Variants in FAM178B observed in about 807,000 individuals in gnomAD.
The protein encoded by FAM178B is protein FAM178B.
Under a neutral mutation model 91.7 loss-of-function variants are expected in FAM178B, and 82 were observed. The ratio of observed to expected loss-of-function variants is 0.89; its 90% CI spans 0.75 to 1.07. FAM178B has a LOEUF of 1.07. FAM178B is among the 50% of genes least tolerant of loss of function. The pLI, the probability that FAM178B is intolerant of heterozygous loss-of-function variation, is 0.00. For missense variants in FAM178B, 769 were observed against 846.7 expected (o/e 0.91, Z 1.14); for synonymous variants, 368 against 359.4 (o/e 1.02, Z -0.27).
intron 6 of FAM178B, among the ~76,000 whole-genome samples, chr2:96,958,067 C>CTTT (rs66515058): frequency 2.0e-5 from 2 of 101,376 alleles, no homozygotes; most frequent in African/African-American, 3.2e-5. Flanking sequence ...TTTGAAGAAT[C>CTTT]TTTTTTTTTT....
At position 96,875,972 on chromosome 2, in the gene FAM178B, A is replaced by T. The variant is rs1015868263; in HGVS notation, c.*304T>A. 1 of 443,584 alleles carries T rather than the reference A, an allele frequency of 2.3e-6. No individual in the cohort carries two copies. Among genetic ancestry groups the T allele is most frequent in the East Asian group, 4.1e-5 (1 of 24,636 alleles). 27.5% of individuals were successfully genotyped at this position (443,584 alleles called of 1,614,324 possible). Reference sequence around the variant, plus strand: ...AGGAGGGTGGGGAGGACTGAGGCCCAGGGAAACCAGAGCTATGGAGACAGA... The same window carrying T: ...AGGAGGGTGGGGAGGACTGAGGCCCTGGGAAACCAGAGCTATGGAGACAGA... On this transcript the variant is annotated 3_prime_UTR_variant, in exon 17 of 17. Transcript: ENST00000490605.
chr2:96,986,361 C>T lies in FAM178B; in HGVS notation c.-48G>A, dbSNP rs1295371964. ...GGGGTGAGGGAGGGTGGCGGGAATT[C>T]GCACGGCCTCAGAGGACGGGGCCAG... On this transcript the variant is annotated 5_prime_UTR_variant, in exon 1 of 17. Transcript: ENST00000490605. 2 of 1,525,078 alleles carry T rather than the reference C, an allele frequency of 1.3e-6. No individual in the cohort carries two copies. Among genetic ancestry groups the T allele is most frequent in the Non-Finnish European group, 1.7e-6 (2 of 1,143,036 alleles). 94.5% of individuals were successfully genotyped at this position (1,525,078 alleles called of 1,614,324 possible).
At chr2:96,985,339 A>G (rs1425417310) in intron 1 of FAM178B, among the ~76,000 whole-genome samples, 1 of 152,044 alleles carries the variant, frequency 6.6e-6, no homozygotes, top group Non-Finnish European at 1.5e-5. Flanking sequence ...TGCTCACTCT[A>G]CAATGCAGCC....
At position 96,923,589 on chromosome 2, in the gene FAM178B, G is replaced by T; in HGVS notation, c.1194-6C>A. ...CAGCCTCGCCTGGAAGCACCCTGTG[G>T]TAAGACAACAACAGTGACGATGGGA... On this transcript the variant is annotated splice_region_variant and splice_polypyrimidine_tract_variant and intron_variant, in intron 9 of 16. Transcript: ENST00000490605. The T allele has an allele frequency of 6.4e-7, 1 of 1,550,966 alleles. No homozygotes were observed.
intron 6 of FAM178B, among the ~76,000 whole-genome samples, chr2:96,953,985 C>G (rs1426165266): frequency 2.6e-5 from 4 of 152,196 alleles, no homozygotes; most frequent in Non-Finnish European, 5.9e-5. Flanking sequence ...AGTGAAAGCT[C>G]AAACGCCTTG....
At chr2:96,946,077 T>C (rs894623927) in intron 8 of FAM178B, among the ~76,000 whole-genome samples, 12 of 152,208 alleles carry the variant, frequency 7.9e-5, no homozygotes, top group Non-Finnish European at 1.5e-4. Flanking sequence ...GTACCTCATA[T>C]ACATGGAATA....
chr2:96,969,209 G>A (rs567327695), intron 4 of FAM178B, among the ~76,000 whole-genome samples: 3 of 152,194 alleles, frequency 2.0e-5, no homozygotes, highest in African/African-American at 4.8e-5. Flanking sequence ...AGCGTCCTAT[G>A]GACTAAATGT....
rs376034495 is a variant in FAM178B, at chr2:96,894,035, C to A, written c.1667G>T (p.Arg556Leu). 3.1e-6 allele frequency: 5 copies of A among 1,610,848 alleles called. No individual in the cohort carries two copies. The highest frequency in any genetic ancestry group is 4.2e-6 in the Non-Finnish European group (5 of 1,179,052). ...QEKTQLSSLS[R>L]LLGLMRPSSL... Reference sequence around the variant, plus strand: ...TGATGGCCTCATGAGGCCCAGGAGCCGGCTGAGCGAGGACAGCTGGGGAGG... The same window carrying A: ...TGATGGCCTCATGAGGCCCAGGAGCAGGCTGAGCGAGGACAGCTGGGGAGG... Residue 556 changes from arginine to leucine, a missense_variant, in exon 14 of 17, where the codon CGG (arginine) becomes CTG (leucine). Coordinates refer to ENST00000490605, the MANE Select transcript of FAM178B (RefSeq NM_001122646.3).
chr2:96,965,466 A>AT lies in FAM178B; in HGVS notation c.734+2053dup, dbSNP rs371454952. Among the ~76,000 whole-genome samples, 124 of 136,598 alleles carry AT rather than the reference A, an allele frequency of 9.1e-4. 1 individual carries two copies. Among genetic ancestry groups the AT allele is most frequent in the Middle Eastern group, 7.9e-3 (2 of 252 alleles). 89.6% of individuals were successfully genotyped at this position (136,598 alleles called of 152,430 possible). On this transcript the variant is annotated intron_variant, in intron 5 of 16. Transcript: ENST00000490605. The stretch of plus-strand genomic sequence containing the variant: ...TAGCGCAGTCAATCAGTCTCCCCCC[A>AT]TTTTTTTTTTTTAAGAGATAAGGTC...
intron 5 of FAM178B, among the ~76,000 whole-genome samples, chr2:96,961,704 T>A (rs1478801289): frequency 6.6e-6 from 1 of 152,126 alleles, no homozygotes; most frequent in African/African-American, 2.4e-5. Context: ...GATCTGGACA[T>A]GAGCAACTGG....
intron 14 of FAM178B, among the ~76,000 whole-genome samples, chr2:96,884,061 G>C (rs1290796640): frequency 6.6e-6 from 1 of 152,194 alleles, no homozygotes; most frequent in South Asian, 2.1e-4. Context: ...TTTCAGACCC[G>C]AGGCTGGGGC....
At chr2:96,899,849 CTCTTTT>C (rs1349741564) in intron 13 of FAM178B, among the ~76,000 whole-genome samples, 2 of 136,274 alleles carry the variant, frequency 1.5e-5, no homozygotes, top group South Asian at 2.5e-4. Flanking sequence ...CCATTCCCCA[CTCTTTT>C]TTTTTTTTTT....
rs1037132055 is a variant in FAM178B at position 96,972,144 on chromosome 2, G to A, written c.321C>T (p.Pro107=). 5 of 1,538,974 alleles carry A rather than the reference G, an allele frequency of 3.2e-6. No individual in the cohort carries two copies. Among genetic ancestry groups the A allele is most frequent in the East Asian group, 2.4e-5 (1 of 40,866 alleles). ...CCACGGGCGGGGGGCTCCAGTCAGTGGGAAACGTTTCCCCAGGTGCCTGTA... is the reference window on the plus strand; with the variant it reads ...CCACGGGCGGGGGGCTCCAGTCAGTAGGAAACGTTTCCCCAGGTGCCTGTA... ...PKIQAPGETF[P]TDWSPPPVEF... is the part of the protein sequence containing the mutation. Residue 107 remains proline, a synonymous_variant, in exon 3 of 17, where the codon CCC becomes CCT. Transcript: ENST00000490605.
intron 8 of FAM178B, among the ~76,000 whole-genome samples, chr2:96,936,612 C>T (rs1453599042): frequency 2.6e-5 from 4 of 151,416 alleles, no homozygotes; most frequent in Non-Finnish European, 1.5e-5. Flanking sequence ...TGGGTTCAAG[C>T]GATTCTCCTG....
At chr2:96,912,753 G>C (rs148660716) in intron 12 of FAM178B, among the ~76,000 whole-genome samples, 1 of 152,180 alleles carries the variant, frequency 6.6e-6, no homozygotes, top group Admixed American at 6.5e-5. Flanking sequence ...CCCAGGCTCC[G>C]GATGCGACCT....
chr2:96,883,909 A>G (rs2080451896), intron 14 of FAM178B, among the ~76,000 whole-genome samples: 2 of 152,110 alleles, frequency 1.3e-5, no homozygotes, highest in South Asian at 4.1e-4. Flanking sequence ...AGCCCAGCCC[A>G]GGAGAAGCAT....
intron 13 of FAM178B, chr2:96,898,157 G>A (rs2080858510): frequency 1.0e-6 from 1 of 975,350 alleles, no homozygotes; most frequent in East Asian, 1.1e-4. Context: ...TGAATCGATT[G>A]ATAGGATTTC....
chr2:96,923,439 T>C, intron 10 of FAM178B, 51 bp downstream of exon 10: 1 of 1,385,648 alleles, frequency 7.2e-7, no homozygotes, highest in South Asian at 1.2e-5. Context: ...GCTGAATGGG[T>C]CTGAACTGTA....
intron 7 of FAM178B, chr2:96,950,075 C>A: frequency 1.0e-6 from 1 of 985,732 alleles, no homozygotes; most frequent in Non-Finnish European, 1.2e-6. Context: ...CTCGTCTGTG[C>A]CTCCCAGGAT....
Sources: allele counts gnomAD v4.1 joint callset (sites outside exome capture counted in the v4.1 genomes callset), GRCh38; gene constraint gnomAD v4.1.1; transcripts MANE v1.5; gene names NCBI Gene and HGNC (gene_info 2026-07-23, HGNC 2026-07-21).